JAKMIP3: variants seen among roughly 807,000 people sequenced by gnomAD.
JAKMIP3 encodes the protein Janus kinase and microtubule interacting protein 3, also known as janus kinase and microtubule-interacting protein 3.
JAKMIP3 carries 58 observed loss-of-function variants against 118.5 expected under a neutral mutation model. The observed-to-expected ratio is 0.49, with a 90% CI of 0.40 to 0.61. The LOEUF (loss-of-function observed/expected upper bound fraction) is 0.61. JAKMIP3 is among the 20% of genes least tolerant of loss of function. JAKMIP3 has a pLI of 0.00. For missense variants in JAKMIP3, 950 were observed against 1,109.0 expected, an observed-to-expected ratio of 0.86 and a Z score of 2.04; for synonymous variants, 486 against 451.2, an observed-to-expected ratio of 1.08 and a Z score of -0.98.
intron 1 of JAKMIP3, among the ~76,000 whole-genome samples, chr10:132,085,069 G>C (rs1247434998): frequency 6.6e-6 from 1 of 152,020 alleles, no homozygotes; most frequent in Non-Finnish European, 1.5e-5. Flanking sequence ...TTTGGTGTTA[G>C]GGTGATACTG....
chr10:132,173,737 GTGGTGGTCTGTGGTGTGTCTC>G (rs1406881958), intron 23 of JAKMIP3, among the ~76,000 whole-genome samples: 2 of 122,836 alleles, frequency 1.6e-5, no homozygotes, highest in Non-Finnish European at 1.9e-5. Flanking sequence ...TGGTGTGTCT[GTGGTGGTCTGTGGTGTGTCTC>G]TGGTGGTCTG....
chr10:132,100,080 C>T lies in JAKMIP3; in HGVS notation c.-137-4592C>T, dbSNP rs186274841. Among the ~76,000 whole-genome samples the T allele has an allele frequency of 5.0e-3, 769 of 152,288 alleles. 6 individuals carry two copies. The highest frequency in any genetic ancestry group is 7.5e-3 in the Non-Finnish European group (512 of 68,012). Reference sequence around the variant, plus strand: ...TTGCACCCACCCTGGCTCCTGCCCCCGGGCTGATCCAGGCTCCCCAGGGCA... The same window carrying T: ...TTGCACCCACCCTGGCTCCTGCCCCTGGGCTGATCCAGGCTCCCCAGGGCA... On this transcript the variant is annotated intron_variant, in intron 1 of 23. Transcript: ENST00000684848.
chr10:132,071,896 T>TCTTTCTTTCCTTCCTTTCTTGCTTTC (rs1177981068), intron 1 of JAKMIP3, among the ~76,000 whole-genome samples: 7 of 68,856 alleles, frequency 1.0e-4, no homozygotes, highest in African/African-American at 5.4e-4. Flanking sequence ...TTCTTTCCTT[T>TCTTTCTTTCCTTCCTTTCTTGCTTTC]CTTTCTTCCC....
At chr10:132,123,655 G>A (rs190437621) in intron 3 of JAKMIP3, among the ~76,000 whole-genome samples, 37 of 152,282 alleles carry the variant, frequency 2.4e-4, no homozygotes, top group Non-Finnish European at 4.7e-4. Context: ...CTCTGATGGC[G>A]TCGCTCAGAG....
rs1201566213 is a variant in JAKMIP3, at chr10:132,044,871, G to A, written c.-138+8133G>A. Among the ~76,000 whole-genome samples the A allele has an allele frequency of 6.6e-6, 1 of 151,654 alleles. No individual in the cohort carries two copies. The highest frequency in any genetic ancestry group is 1.5e-5 in the Non-Finnish European group (1 of 67,944). On this transcript the variant is annotated intron_variant, in intron 1 of 23. Coordinates refer to the JAKMIP3 transcript ENST00000657785. The surrounding 1 kb of genome is among the most constrained non-coding windows in gnomAD (Gnocchi z 5.3). ...AGGGGCCTCAGCTGAGTAGAATCAT[G>A]GTATTTGTGCGTGTGTGTGACTGGC... is the stretch of plus-strand genomic sequence containing the variant.
chr10:132,119,415 C>G (rs1315550305), intron 3 of JAKMIP3, among the ~76,000 whole-genome samples: 2 of 152,210 alleles, frequency 1.3e-5, no homozygotes, highest in Non-Finnish European at 2.9e-5. Flanking sequence ...AGTCAGGAAT[C>G]TTCATCTTTT....
chr10:132,036,775 C>T (rs2133732557), intron 1 of JAKMIP3, among the ~76,000 whole-genome samples: 1 of 151,356 alleles, frequency 6.6e-6, no homozygotes, highest in Admixed American at 6.6e-5. Context: ...GACCGGGGGC[C>T]GGGCCTCTGC....
chr10:132,159,638 G>A (rs2057695341), intron 19 of JAKMIP3, among the ~76,000 whole-genome samples: 1 of 61,538 alleles, frequency 1.6e-5, no homozygotes, highest in Non-Finnish European at 3.5e-5. Flanking sequence ...CCTTTGTGAT[G>A]CTGGGGGGCC....
At chr10:132,052,156 G>A (rs2038121635) in intron 1 of JAKMIP3, among the ~76,000 whole-genome samples, 1 of 152,202 alleles carries the variant, frequency 6.6e-6, no homozygotes, top group African/African-American at 2.4e-5. Flanking sequence ...AGCCTGGGAG[G>A]GTGAGGCTGC....
intron 11 of JAKMIP3, 83 bp downstream of exon 11, chr10:132,142,131 C>A: frequency 7.0e-7 from 1 of 1,434,136 alleles, no homozygotes; most frequent in Non-Finnish European, 9.3e-7. Flanking sequence ...ACACCCCCCT[C>A]ACTAGCCCTC....
chr10:132,092,964 T>G (rs2043287481), intron 1 of JAKMIP3, among the ~76,000 whole-genome samples: 1 of 152,270 alleles, frequency 6.6e-6, no homozygotes, highest in Non-Finnish European at 1.5e-5. Context: ...ATGTCCTTTC[T>G]GTTTGTTAGT....
At chr10:132,140,299 G>A (rs1312234910) in intron 9 of JAKMIP3, among the ~76,000 whole-genome samples, 152 bp from the exon 10 acceptor site, 1 of 152,150 alleles carries the variant, frequency 6.6e-6, no homozygotes, top group Non-Finnish European at 1.5e-5. Flanking sequence ...TCACACCCAG[G>A]CCACCTCCTC....
chr10:132,147,762 G>A (rs960952016), intron 13 of JAKMIP3, among the ~76,000 whole-genome samples, 190 bp from the exon 14 acceptor site: 15 of 152,198 alleles, frequency 9.9e-5, no homozygotes, highest in Non-Finnish European at 1.6e-4. Context: ...ACCCACCACC[G>A]GATGGCTAGG....
At chr10:132,139,206 G>GTGTTTC (rs1201878999) in intron 9 of JAKMIP3, among the ~76,000 whole-genome samples, 1 of 147,734 alleles carries the variant, frequency 6.8e-6, no homozygotes, top group African/African-American at 2.5e-5. Flanking sequence ...ATGAGTGTGT[G>GTGTTTC]TGTGTATGTG....
chr10:132,108,729 G>A (rs1426628535), intron 2 of JAKMIP3, among the ~76,000 whole-genome samples: 2 of 151,900 alleles, frequency 1.3e-5, no homozygotes, highest in Non-Finnish European at 2.9e-5. Flanking sequence ...AATGCCAGGT[G>A]CAGTGGTTCA....
At chr10:132,109,049 C>A (rs1036986740) in intron 2 of JAKMIP3, among the ~76,000 whole-genome samples, 2 of 129,212 alleles carry the variant, frequency 1.5e-5, no homozygotes, top group African/African-American at 5.8e-5. Context: ...TATATACACA[C>A]ACATACATGC....
chr10:132,095,228 A>G (rs145768479), intron 1 of JAKMIP3, among the ~76,000 whole-genome samples: 9 of 152,268 alleles, frequency 5.9e-5, no homozygotes, highest in East Asian at 3.9e-4. Flanking sequence ...CCCTCCCCCA[A>G]GTTCTGGCCA....
At chr10:132,173,506 C>T (rs2059828304) in intron 23 of JAKMIP3, among the ~76,000 whole-genome samples, 1 of 152,090 alleles carries the variant, frequency 6.6e-6, no homozygotes, top group African/African-American at 2.4e-5. Flanking sequence ...GGTGTCCACA[C>T]ACAACACTGT....
intron 19 of JAKMIP3, among the ~76,000 whole-genome samples, chr10:132,159,631 TTGTGATGCTGGGGGGCCTCTCCCTG>T (rs1477873527): frequency 0.15 from 9,637 of 62,410 alleles, 623 homozygotes; most frequent in Non-Finnish European, 0.19. Context: ...TCCTCTTCCT[TTGTGATGCTGGGGGGCCTCTCCCTG>T]TGTGATGCTG....
Sources: allele counts gnomAD v4.1 joint callset (sites outside exome capture counted in the v4.1 genomes callset), GRCh38; gene constraint gnomAD v4.1.1; non-coding constraint Gnocchi (gnomAD v3.1); transcripts MANE v1.5; gene names NCBI Gene and HGNC (gene_info 2026-07-23, HGNC 2026-07-21).